CLASP2: variants seen among roughly 807,000 people sequenced by gnomAD.
CLASP2 encodes CLIP-associating protein 2.
Under a neutral mutation model 194.4 loss-of-function variants are expected in CLASP2, and 47 were observed. That is an observed-to-expected ratio of 0.24 (90% CI 0.19 to 0.31). The LOEUF (loss-of-function observed/expected upper bound fraction) is 0.31, where lower values mean the gene tolerates loss of function less well. CLASP2 is among the 10% of genes least tolerant of loss of function. The pLI is 1.00. For synonymous variants in CLASP2, 619 were observed against 633.5 expected (o/e 0.98, Z 0.34); for missense variants, 1,445 against 1,823.6 (o/e 0.79, Z 3.78).
At position 33,498,538 on chromosome 3, in the gene CLASP2, T is replaced by C; in HGVS notation, c.*93A>G. 1 of 789,572 alleles carries C rather than the reference T, an allele frequency of 1.3e-6. No homozygotes were observed. The highest frequency in any genetic ancestry group is 1.7e-5 in the African/African-American group (1 of 57,570). 48.9% of individuals were successfully genotyped at this position (789,572 alleles called of 1,614,324 possible). On this transcript the variant is annotated 3_prime_UTR_variant, in exon 39 of 39. Coordinates refer to ENST00000682230, the MANE Select transcript of CLASP2 (RefSeq NM_001365631.1). The stretch of plus-strand genomic sequence containing the variant: ...CTAAAACTGGGAAACAATAGTAAGT[T>C]CCAAAGGATGTGTTTGAGAACTTCC...
At chr3:33,568,545 T>G (rs1374258465) in intron 26 of CLASP2, among the ~76,000 whole-genome samples, 2 of 72,684 alleles carry the variant, frequency 2.8e-5, no homozygotes, top group Non-Finnish European at 5.2e-5. Context: ...CAGAAAGAGA[T>G]CTTGTCTCAA....
chr3:33,596,007 G>A (rs1227839388), intron 19 of CLASP2, among the ~76,000 whole-genome samples: 2 of 151,790 alleles, frequency 1.3e-5, no homozygotes, highest in East Asian at 1.9e-4. Flanking sequence ...ATCTCATAAT[G>A]TGACATACAG....
At chr3:33,594,643 T>C (rs531651903) in intron 20 of CLASP2, among the ~76,000 whole-genome samples, 5 of 151,566 alleles carry the variant, frequency 3.3e-5, no homozygotes, top group Non-Finnish European at 5.9e-5. Flanking sequence ...AAAGCATTAA[T>C]GTCACTACTA....
At chr3:33,708,556 A>G (rs1036219984) in intron 1 of CLASP2, among the ~76,000 whole-genome samples, 3 of 146,544 alleles carry the variant, frequency 2.0e-5, no homozygotes, top group Admixed American at 2.0e-4. Flanking sequence ...ATATATATAT[A>G]TATATACATA....
At chr3:33,650,310 TACAG>T (rs2082962873) in intron 7 of CLASP2, among the ~76,000 whole-genome samples, 1 of 152,214 alleles carries the variant, frequency 6.6e-6, no homozygotes, top group South Asian at 2.1e-4. Flanking sequence ...TTAGGATACA[TACAG>T]TAGGTGCTAA....
At chr3:33,607,170 T>C (rs1260899107) in intron 15 of CLASP2, among the ~76,000 whole-genome samples, 1 of 152,200 alleles carries the variant, frequency 6.6e-6, no homozygotes, top group Non-Finnish European at 1.5e-5. Context: ...GAATAGGTTA[T>C]GACAAAAAAA....
chr3:33,624,753 T>G (rs1002699086), intron 10 of CLASP2, among the ~76,000 whole-genome samples: 2 of 152,108 alleles, frequency 1.3e-5, no homozygotes, highest in African/African-American at 4.8e-5. Flanking sequence ...CTGGCCATGG[T>G]TGACCATGAG....
intron 1 of CLASP2, among the ~76,000 whole-genome samples, chr3:33,708,389 T>C (rs769278899): frequency 6.6e-6 from 1 of 151,128 alleles, no homozygotes; most frequent in Non-Finnish European, 1.5e-5. Context: ...GGTTCATCCA[T>C]GTTGTCACAA....
At chr3:33,682,302 T>A (rs192836422) in intron 6 of CLASP2, among the ~76,000 whole-genome samples, 85 of 152,226 alleles carry the variant, frequency 5.6e-4, no homozygotes, top group African/African-American at 2.0e-3. Flanking sequence ...TGACAAAAAA[T>A]TTTTTCTTTT....
At chr3:33,514,530 T>C (rs139846780) in intron 36 of CLASP2, 92 of 166,994 alleles carry the variant, frequency 5.5e-4, no homozygotes, top group African/African-American at 2.0e-3. Context: ...TATTTTAACC[T>C]TCCTTTTTTG....
intron 1 of CLASP2, among the ~76,000 whole-genome samples, chr3:33,717,409 T>C (rs994773881): frequency 3.2e-4 from 49 of 151,856 alleles, no homozygotes; most frequent in Non-Finnish European, 5.3e-4. Context: ...GGGACCCCCC[T>C]GTTTCCCCTA....
At chr3:33,527,308 A>G (rs1004794238) in intron 34 of CLASP2, among the ~76,000 whole-genome samples, 1 of 152,236 alleles carries the variant, frequency 6.6e-6, no homozygotes, top group African/African-American at 2.4e-5. Flanking sequence ...GCACAGAAAT[A>G]AAAACCATCA....
Position 33,572,911 on chromosome 3 carries a change from AT to A in CLASP2, c.2699+198del, listed in dbSNP as rs80341372. ...AATGTTTTGCTTAATAGAACAAATAATTTTTTTTTTTTTTTTTTTAGTAATG... is the reference window on the plus strand; with the variant it reads ...AATGTTTTGCTTAATAGAACAAATAATTTTTTTTTTTTTTTTTTAGTAATG... On this transcript the variant is annotated intron_variant, in intron 25 of 38. Coordinates refer to ENST00000682230, the MANE Select transcript of CLASP2 (RefSeq NM_001365631.1). Among the ~76,000 whole-genome samples the A allele has an allele frequency of 9.5e-3, 1,322 of 139,518 alleles. 9 individuals carry two copies. Among genetic ancestry groups the A allele is most frequent in the African/African-American group, 0.018 (679 of 38,356 alleles). The allele number at this position is 139,518 out of a possible 152,430, so 91.5% of individuals were successfully genotyped here. A position where few individuals can be genotyped will look rare whatever the true frequency, so the allele number is the denominator to read the frequency against.
Position 33,521,060 on chromosome 3 carries a change from TAGA to T in CLASP2, c.3788-3889_3788-3887del, listed in dbSNP as rs1326399526. On this transcript the variant is annotated intron_variant, in intron 34 of 38. Coordinates refer to ENST00000682230, the MANE Select transcript of CLASP2 (RefSeq NM_001365631.1). ...CCAGAATGCAAGGATGGGGACATGT[TAGA>T]AGAACAACAAAAGCCGGCTTGAATG... Among the ~76,000 whole-genome samples, 100 of 152,102 alleles carry T rather than the reference TAGA, an allele frequency of 6.6e-4. 2 individuals carry two copies. The highest frequency in any genetic ancestry group is 2.3e-3 in the African/African-American group (95 of 41,398).
chr3:33,715,298 C>A (rs1224401269), intron 1 of CLASP2, among the ~76,000 whole-genome samples: 1 of 152,226 alleles, frequency 6.6e-6, no homozygotes, highest in Non-Finnish European at 1.5e-5. Flanking sequence ...ATCTCACTTT[C>A]CCATCTTCTG....
chr3:33,615,546 C>G, intron 12 of CLASP2, among the ~76,000 whole-genome samples: 1 of 138,842 alleles, frequency 7.2e-6, no homozygotes, highest in East Asian at 2.1e-4. Flanking sequence ...CAGAATTTAC[C>G]AGATAAAGCA....
Position 33,688,365 on chromosome 3 carries a change from T to G in CLASP2, c.382A>C (p.Ile128Leu). Residue 128 changes from isoleucine (I) to leucine (L), a missense_variant, in exon 4 of 39, where the codon ATT becomes CTT. Ile to Leu is a conservative substitution (Grantham distance 5). Around this residue, in one of 4 missense-constraint regions of CLASP2, gnomAD observed 332 missense variants for 325.3 expected, o/e 1.02. Coordinates refer to ENST00000682230, the MANE Select transcript of CLASP2 (RefSeq NM_001365631.1). The part of the protein sequence containing the change: ...LMDQVAPPMY[I>L]WEQLASGFKH... ...AAACCAGAAGCCAACTGCTCCCAAATGTACTATTTGAAAGAAAAGTAAAAA... is the reference window on the plus strand; with the variant it reads ...AAACCAGAAGCCAACTGCTCCCAAAGGTACTATTTGAAAGAAAAGTAAAAA... 1.3e-6 allele frequency: 2 copies of G among 1,575,488 alleles called. No homozygotes were observed. The highest frequency in any genetic ancestry group is 1.7e-6 in the Non-Finnish European group (2 of 1,160,418).
chr3:33,534,398 T>G (rs180843127), intron 34 of CLASP2, among the ~76,000 whole-genome samples: 1 of 152,022 alleles, frequency 6.6e-6, no homozygotes, highest in South Asian at 2.1e-4. Flanking sequence ...CCCATCTCTA[T>G]AGAACATTTA....
At chr3:33,658,357 T>C (rs975305051) in intron 7 of CLASP2, among the ~76,000 whole-genome samples, 1 of 152,150 alleles carries the variant, frequency 6.6e-6, no homozygotes, top group Admixed American at 6.5e-5. Context: ...TAAGGCATTA[T>C]AGAAATAATG....
Sources: allele counts gnomAD v4.1 joint callset (sites outside exome capture counted in the v4.1 genomes callset), GRCh38; gene constraint gnomAD v4.1.1; regional missense constraint gnomAD v4.1.1; transcripts MANE v1.5; gene names NCBI Gene and HGNC (gene_info 2026-07-23, HGNC 2026-07-21).